Variants in JAG1 observed in about 807,000 individuals in gnomAD.
JAG1 encodes protein jagged-1.
A neutral mutation model predicts 148.7 loss-of-function variants in JAG1; 23 were observed. The ratio of observed to expected loss-of-function variants is 0.15; its 90% CI spans 0.11 to 0.22. The LOEUF (loss-of-function observed/expected upper bound fraction) is 0.22. JAG1 is among the 10% of genes least tolerant of loss of function. The probability of loss-of-function intolerance (pLI) is 1.00; values close to 1 mark genes in which losing one functional copy is unlikely to be tolerated. For missense variants in JAG1, 1,054 were observed against 1,611.2 expected (o/e 0.65, Z 5.92); for synonymous variants, 572 against 598.3 (o/e 0.96, Z 0.64).
intron 19 of JAG1, 39 bp from the exon 20 acceptor site, chr20:10,643,902 G>A (rs2067290316): frequency 6.7e-7 from 1 of 1,483,372 alleles, no homozygotes; most frequent in Non-Finnish European, 9.4e-7. Flanking sequence ...CAACCTCCCA[G>A]TCCATTACTC....
At chr20:10,646,309 G>A (rs949603833) in intron 14 of JAG1, 15 of 539,864 alleles carry the variant, frequency 2.8e-5, no homozygotes, top group East Asian at 6.7e-5. Context: ...TTTAGTCACC[G>A]GTACTAGGTG....
Position 10,672,899 on chromosome 20 carries a change from G to A in JAG1, c.189C>T (p.Asp63=), listed in dbSNP as rs896523429. 1 of 1,613,224 alleles carries A rather than the reference G, an allele frequency of 6.2e-7. No individual in the cohort carries two copies. Among genetic ancestry groups the A allele is most frequent in the Non-Finnish European group, 8.5e-7 (1 of 1,180,028 alleles). Residue 63 remains aspartate, a synonymous_variant, in exon 2 of 26, where the codon GAC becomes GAT. Coordinates refer to ENST00000254958, the MANE Select transcript of JAG1 (RefSeq NM_000214.3). Reference sequence around the variant, plus strand: ...CACACTCGTCGCGGGTGCACTTGCGGTCTCCCGGGTTCCGGGCGCCGCCGC... The same window carrying A: ...CACACTCGTCGCGGGTGCACTTGCGATCTCCCGGGTTCCGGGCGCCGCCGC... The part of the protein sequence containing the change: ...NCCGGARNPG[D]RKCTRDECDT...
In JAG1 at chr20:10,641,132, T is replaced by C. The variant is rs2067267863; in HGVS notation, c.3029A>G (p.Asn1010Ser). ...ACTTACAATGGCCACATGTATTTCA[T>C]TGTTCGCTGAAGGGGAAGGCTCGCA... ...IACEPSPSAN[N>S]EIHVAISAED... is the part of the protein sequence containing the mutation. Residue 1010 changes from asparagine to serine, a missense_variant, in exon 24 of 26, where the codon AAT becomes AGT. Physicochemically the swap from Asn to Ser is conservative, Grantham distance 46. Around this residue, in one of 6 missense-constraint regions of JAG1, gnomAD observed 342 missense variants for 514.6 expected, o/e 0.66. Coordinates refer to ENST00000254958, the MANE Select transcript of JAG1 (RefSeq NM_000214.3). 1 of 1,614,128 alleles carries C rather than the reference T, an allele frequency of 6.2e-7. No homozygotes were observed. The highest frequency in any genetic ancestry group is 8.5e-7 in the Non-Finnish European group (1 of 1,180,042).
Position 10,672,826 on chromosome 20 carries a change from C to A in JAG1, c.262G>T (p.Ala88Ser), listed in dbSNP as rs1368255658. 1.9e-6 allele frequency: 3 copies of A among 1,613,116 alleles called. No homozygotes were observed. The highest frequency in any genetic ancestry group is 2.7e-5 in the African/African-American group (2 of 74,942). ...CLKEYQSRVT[A>S]GGPCSFGSGS... The stretch of plus-strand genomic sequence containing the variant: ...GAGCCGAAGCTGCAGGGCCCCCCGG[C>A]CGTGACGCGGGACTGATACTCCTTG... Residue 88 changes from alanine (A) to serine (S), a missense_variant, in exon 2 of 26, where the codon GCC becomes TCC. Around this residue, in one of 6 missense-constraint regions of JAG1, gnomAD observed 151 missense variants for 211.1 expected, o/e 0.72. Coordinates refer to ENST00000254958, the MANE Select transcript of JAG1 (RefSeq NM_000214.3).
At chr20:10,671,506 T>C (rs2067494632) in intron 2 of JAG1, among the ~76,000 whole-genome samples, 1 of 152,038 alleles carries the variant, frequency 6.6e-6, no homozygotes, top group Non-Finnish European at 1.5e-5. Flanking sequence ...AGCCAGATAG[T>C]CTCCCCTCTG....
chr20:10,657,386 CTAAG>C (rs1017813992), intron 4 of JAG1, among the ~76,000 whole-genome samples: 1 of 151,108 alleles, frequency 6.6e-6, no homozygotes, highest in Non-Finnish European at 1.5e-5. Context: ...AAAACCCACA[CTAAG>C]TGTTAGGTCG....
In JAG1 at chr20:10,672,866, G is replaced by A. The variant is rs1600196465; in HGVS notation, c.222C>T (p.Tyr74=). The A allele has an allele frequency of 1.2e-6, 2 of 1,613,354 alleles. No homozygotes were observed. Among genetic ancestry groups the A allele is most frequent in the Non-Finnish European group, 1.7e-6 (2 of 1,180,038 alleles). ...RKCTRDECDT[Y]FKVCLKEYQS... is the part of the protein sequence containing the mutation. ...GATACTCCTTGAGGCACACTTTGAA[G>A]TATGTGTCACACTCGTCGCGGGTGC... The change falls in exon 2 of 26, where the codon TAC becomes TAT. Residue 74 remains tyrosine (Y), a synonymous_variant. Transcript: ENST00000254958.
intron 18 of JAG1, chr20:10,644,649 C>G (rs2067295414): frequency 1.6e-6 from 1 of 641,738 alleles, no homozygotes; most frequent in South Asian, 1.8e-5. Context: ...AGACCCAGAG[C>G]TGGGAACTGA....
chr20:10,671,550 C>T (rs2067495024), intron 2 of JAG1, among the ~76,000 whole-genome samples: 1 of 152,132 alleles, frequency 6.6e-6, no homozygotes. Flanking sequence ...AGCCGGCGGA[C>T]AGGAGGCAGC....
In JAG1 at chr20:10,643,948, A is replaced by G. The variant is rs548051934; in HGVS notation, c.2373-85T>C. The G allele has an allele frequency of 2.4e-4, 241 of 1,005,342 alleles. 2 individuals carry two copies. In the South Asian group the frequency reaches 3.0e-3, roughly 13 times the overall value. The allele number at this position is 1,005,342 out of a possible 1,614,324, so 62.3% of individuals were successfully genotyped here. A position where few individuals can be genotyped will look rare whatever the true frequency, so the allele number is the denominator to read the frequency against. ...TCACTCACATGTCACCACACCAGTT[A>G]CAGTCAGTGGCTCTCACCCCATGGC... On this transcript the variant is annotated intron_variant, in intron 19 of 25. Coordinates refer to ENST00000254958, the MANE Select transcript of JAG1 (RefSeq NM_000214.3).
intron 2 of JAG1, among the ~76,000 whole-genome samples, chr20:10,667,778 C>T (rs1398219929): frequency 6.6e-6 from 1 of 152,158 alleles, no homozygotes; most frequent in Non-Finnish European, 1.5e-5. Flanking sequence ...CATCCCCACC[C>T]CCTTTCCCAT....
rs1196648552 is a variant in JAG1 at position 10,648,015 on chromosome 20, A to G, written c.1665T>C (p.Tyr555=). Residue 555 remains tyrosine (Y), a synonymous_variant, in exon 13 of 26, where the codon TAT becomes TAC. Transcript: ENST00000254958. The stretch of plus-strand genomic sequence containing the variant: ...TCAGGTGTGAGCAGTTCTTGCCCTC[A>G]TAGTCCTCGGGGCACTTGCAGAAAT... ...SDYFCKCPED[Y]EGKNCSHLKD... 6.2e-7 allele frequency: 1 copy of G among 1,614,034 alleles called. No individual in the cohort carries two copies. Among genetic ancestry groups the G allele is most frequent in the Non-Finnish European group, 8.5e-7 (1 of 1,180,044 alleles).
intron 8 of JAG1, 53 bp downstream of exon 8, chr20:10,651,528 G>T (rs2067346319): frequency 8.2e-7 from 1 of 1,225,966 alleles, no homozygotes; most frequent in Non-Finnish European, 1.2e-6. Context: ...CCCCAGCGTG[G>T]TATCTTGGCA....
chr20:10,637,842 T>C lies in JAG1; in HGVS notation c.*1656A>G, dbSNP rs772158210. On this transcript the variant is annotated 3_prime_UTR_variant, in exon 26 of 26. Transcript: ENST00000254958. Reference sequence around the variant, plus strand: ...ATGAGTTTTGTGGTTGAAAAGCCTTTCAGTTCTTCCTCCATCCCTCTGTCA... The same window carrying C: ...ATGAGTTTTGTGGTTGAAAAGCCTTCCAGTTCTTCCTCCATCCCTCTGTCA... The C allele has an allele frequency of 2.6e-5, 4 of 152,610 alleles. No individual in the cohort carries two copies. Among genetic ancestry groups the C allele is most frequent in the Non-Finnish European group, 4.4e-5 (3 of 68,050 alleles). The allele number at this position is 152,610 out of a possible 1,614,324, so 9.5% of individuals were successfully genotyped here. A position where few individuals can be genotyped will look rare whatever the true frequency, so the allele number is the denominator to read the frequency against.
Position 10,639,779 on chromosome 20 carries a change from T to C in JAG1, c.3376A>G (p.Ile1126Val). Reference sequence around the variant, plus strand: ...ACCGTGTTGGCCCCATGTTTCTCAATGGGGTTTTTGATCTGGTTCAGCTGC... The same window carrying C: ...ACCGTGTTGGCCCCATGTTTCTCAACGGGGTTTTTGATCTGGTTCAGCTGC... ...REQLNQIKNPIEKHGANTVPI... is the reference protein window; with the variant it reads ...REQLNQIKNPVEKHGANTVPI... The change falls in exon 26 of 26, where the codon ATT becomes GTT. Residue 1126 changes from isoleucine (I) to valine (V), a missense_variant. Transcript: ENST00000254958. 2 of 1,614,198 alleles carry C rather than the reference T, an allele frequency of 1.2e-6. No individual in the cohort carries two copies. Among genetic ancestry groups the C allele is most frequent in the Non-Finnish European group, 1.7e-6 (2 of 1,180,040 alleles).
In JAG1 at chr20:10,645,217, C is replaced by G; in HGVS notation, c.2153G>C (p.Gly718Ala). 1 of 1,614,078 alleles carries G rather than the reference C, an allele frequency of 6.2e-7. No homozygotes were observed. Among genetic ancestry groups the G allele is most frequent in the Non-Finnish European group, 8.5e-7 (1 of 1,180,012 alleles). ...QCDEATCNNG[G>A]TCYDEGDAFK... The stretch of plus-strand genomic sequence containing the variant: ...AGCATCCCCCTCATCATAGCAGGTG[C>G]CACCGTTGTTGCACGTGGCCTCATC... The change falls in exon 17 of 26, where the codon GGC becomes GCC. Residue 718 changes from glycine to alanine, a missense_variant. Physicochemically the swap from Gly to Ala is moderately conservative, Grantham distance 60. Around this residue, in one of 6 missense-constraint regions of JAG1, gnomAD observed 342 missense variants for 514.6 expected, o/e 0.66. Transcript: ENST00000254958. The surrounding 1 kb of genome is among the most constrained non-coding windows in gnomAD (Gnocchi z 6.1).
intron 7 of JAG1, 114 bp downstream of exon 7, chr20:10,652,017 T>G (rs940196919): frequency 1.6e-6 from 2 of 1,252,622 alleles, no homozygotes; most frequent in African/African-American, 3.0e-5. Context: ...ATAAGGCCTA[T>G]CTTTGGAAGC....
Position 10,639,874 on chromosome 20 carries a change from C to T in JAG1, c.3281G>A (p.Arg1094Gln), listed in dbSNP as rs139629694. The T allele has an allele frequency of 2.0e-4, 330 of 1,614,004 alleles. 1 individual carries two copies. Among genetic ancestry groups the T allele is most frequent in the Middle Eastern group, 4.9e-4 (3 of 6,084 alleles). Residue 1094 changes from arginine to glutamine, a missense_variant, in exon 26 of 26, where the codon CGG (arginine) becomes CAG (glutamine). Arg to Gln is a conservative substitution (Grantham distance 43). This residue lies in a region of JAG1 where 177 missense variants were observed against 177.3 expected (regional missense o/e 1.00). Transcript: ENST00000254958. Reference protein sequence around the residue: ...CLVTAFYWCLRKRRKPGSHTH... With the variant: ...CLVTAFYWCLQKRRKPGSHTH... ...GTGGCTGCCCGGCTTCCGCCGCTTC[C>T]GCAGGCACCAGTAGAAGGCCGTCAC...
chr20:10,656,766 G>A (rs963556142), intron 4 of JAG1, among the ~76,000 whole-genome samples: 1 of 151,586 alleles, frequency 6.6e-6, no homozygotes, highest in Non-Finnish European at 1.5e-5. Context: ...CTTGAGCAGA[G>A]CTTGGTCAGT....
Sources: allele counts gnomAD v4.1 joint callset (sites outside exome capture counted in the v4.1 genomes callset), GRCh38; gene constraint gnomAD v4.1.1; regional missense constraint gnomAD v4.1.1; non-coding constraint Gnocchi (gnomAD v3.1); transcripts MANE v1.5; gene names NCBI Gene and HGNC (gene_info 2026-07-23, HGNC 2026-07-21).